The following GYS2 variants were observed in gnomAD, a reference collection of about 807,000 sequenced individuals.
GYS2 encodes the protein glycogen synthase 2.
In GYS2, 80 loss-of-function variants were observed where a neutral mutation model predicts 85.6. The observed-to-expected ratio is 0.93, with a 90% confidence interval of 0.78 to 1.13. The LOEUF (loss-of-function observed/expected upper bound fraction) is 1.13. GYS2 is among the 50% of genes most tolerant of loss of function. GYS2 has a pLI of 0.00. For synonymous variants in GYS2, 328 were observed against 300.7 expected, an observed-to-expected ratio of 1.09 and a Z score of -0.94; for missense variants, 881 against 854.9, an observed-to-expected ratio of 1.03 and a Z score of -0.38.
chr12:21,595,911 T>A (rs1315788889), intron 1 of GYS2, among the ~76,000 whole-genome samples: 1 of 152,022 alleles, frequency 6.6e-6, no homozygotes, highest in Non-Finnish European at 1.5e-5. Context: ...AACAAAAAAA[T>A]AATGGATTTA....
intron 1 of GYS2, among the ~76,000 whole-genome samples, chr12:21,584,225 A>C (rs559317434): frequency 1.3e-5 from 2 of 152,328 alleles, no homozygotes; most frequent in South Asian, 4.1e-4. Flanking sequence ...ATACTTATTC[A>C]TGGGCTGTAG....
intron 1 of GYS2, among the ~76,000 whole-genome samples, chr12:21,594,426 A>G (rs1432852720): frequency 1.3e-5 from 2 of 152,210 alleles, no homozygotes; most frequent in Admixed American, 1.3e-4. Flanking sequence ...AAATCAGCAT[A>G]TGAAACAAGC....
downstream of GYS2, chr12:21,534,902 T>C (rs1943896967): frequency 6.6e-6 from 1 of 152,236 alleles, no homozygotes; most frequent in African/African-American, 2.4e-5. Context: ...ACCATTTATC[T>C]ATGCAACTAT....
Position 21,546,265 on chromosome 12 carries a change from T to C in GYS2, c.1549+79A>G, listed in dbSNP as rs3765090. 899 of 1,051,506 alleles carry C rather than the reference T, an allele frequency of 8.5e-4. 16 individuals carry two copies. The East Asian group carries it at 0.025, about 29-fold the overall frequency. The allele number at this position is 1,051,506 out of a possible 1,614,324, so 65.1% of individuals were successfully genotyped here. On this transcript the variant is annotated intron_variant, in intron 12 of 15. Coordinates refer to ENST00000261195, the MANE Select transcript of GYS2 (RefSeq NM_021957.4). Reference sequence around the variant, plus strand: ...ATCTTATTAGAAATTTAATATCAACTTTGAATATTATATATATGCACATAA... The same window carrying C: ...ATCTTATTAGAAATTTAATATCAACCTTGAATATTATATATATGCACATAA...
chr12:21,579,097 A>G (rs756184051), intron 2 of GYS2, among the ~76,000 whole-genome samples: 3 of 152,158 alleles, frequency 2.0e-5, no homozygotes, highest in Non-Finnish European at 4.4e-5. Flanking sequence ...AATATTACCA[A>G]ACCCAACAGA....
At chr12:21,546,219 T>G in intron 12 of GYS2, 125 bp downstream of exon 12, 1 of 701,770 alleles carries the variant, frequency 1.4e-6, no homozygotes, top group East Asian at 3.0e-5. Flanking sequence ...AACCAAAATT[T>G]TTTAAAACTG....
At position 21,537,516 on chromosome 12, in the gene GYS2, A is replaced by G. The variant is rs900071432; in HGVS notation, c.1891-341T>C. 3 of 316,618 alleles carry G rather than the reference A, an allele frequency of 9.5e-6. No individual in the cohort carries two copies. In the East Asian group the frequency reaches 2.5e-4, roughly 26 times the overall value. 19.6% of individuals were successfully genotyped at this position (316,618 alleles called of 1,614,324 possible). Reference sequence around the variant, plus strand: ...TAACTTGCCCAACATCACTCAGCACATAAATGGTAGAGCAAAGATTTGTAC... The same window carrying G: ...TAACTTGCCCAACATCACTCAGCACGTAAATGGTAGAGCAAAGATTTGTAC... On this transcript the variant is annotated intron_variant, in intron 15 of 15. Transcript: ENST00000261195.
rs1944610246 is a variant in GYS2, at chr12:21,589,451, G to A, written c.122-8928C>T. 2.6e-5 allele frequency among the ~76,000 whole-genome samples: 4 copies of A among 152,172 alleles called. No homozygotes were observed. In the South Asian group the frequency reaches 8.3e-4, roughly 32 times the overall value. ...AAGCTTAAAAAATTTCAAGGGAAGGGGCTTGAAGATTACTGACTAAGGGCA... is the reference window on the plus strand; with the variant it reads ...AAGCTTAAAAAATTTCAAGGGAAGGAGCTTGAAGATTACTGACTAAGGGCA... On this transcript the variant is annotated intron_variant, in intron 1 of 15. Transcript: ENST00000261195.
intron 1 of GYS2, among the ~76,000 whole-genome samples, chr12:21,596,256 G>C (rs909263643): frequency 5.9e-5 from 9 of 152,024 alleles, no homozygotes; most frequent in Admixed American, 2.0e-4. Flanking sequence ...TTCATTCTAT[G>C]AAGCCAGCAT....
chr12:21,562,340 G>A (rs4762709), intron 7 of GYS2, among the ~76,000 whole-genome samples: 110,048 of 151,840 alleles, frequency 0.72, 40,167 homozygotes, highest in South Asian at 0.79. Context: ...TAGAGAGTTC[G>A]TGCTGTCGGG....
At chr12:21,560,581 T>C (rs986197312) in intron 7 of GYS2, 89 bp from the exon 8 acceptor site, 14 of 767,824 alleles carry the variant, frequency 1.8e-5, no homozygotes, top group Non-Finnish European at 3.1e-5. Context: ...AAGTAGAGTT[T>C]TAAAATATCA....
In GYS2 at chr12:21,563,211, A is replaced by T; in HGVS notation, c.941+17T>A. The T allele has an allele frequency of 1.4e-6, 2 of 1,424,754 alleles. No individual in the cohort carries two copies. The highest frequency in any genetic ancestry group is 2.0e-6 in the Non-Finnish European group (2 of 1,007,484). 88.3% of individuals were successfully genotyped at this position (1,424,754 alleles called of 1,614,324 possible). A position where few individuals can be genotyped will look rare whatever the true frequency, so the allele number is the denominator to read the frequency against. On this transcript the variant is annotated intron_variant, in intron 6 of 15. Transcript: ENST00000261195. ...ATATCTGATACTTCTTTTTCTTTTT[A>T]ATAAAGAAAATCATACCCATAGAAA... is the stretch of plus-strand genomic sequence containing the variant.
chr12:21,578,672 C>T (rs1247656815), intron 2 of GYS2, among the ~76,000 whole-genome samples: 1 of 152,076 alleles, frequency 6.6e-6, no homozygotes, highest in Non-Finnish European at 1.5e-5. Flanking sequence ...GTCCTGAATT[C>T]TTCATTAACT....
At chr12:21,574,666 A>C (rs1160492539) in intron 3 of GYS2, among the ~76,000 whole-genome samples, 1 of 152,164 alleles carries the variant, frequency 6.6e-6, no homozygotes, top group Admixed American at 6.5e-5. Flanking sequence ...TTAAGAATAA[A>C]TAAATTCTTA....
chr12:21,580,806 G>C (rs1032508534), intron 1 of GYS2, among the ~76,000 whole-genome samples: 1 of 152,206 alleles, frequency 6.6e-6, no homozygotes. Flanking sequence ...CAAAAAGAAA[G>C]AGTCTGAAAA....
intron 1 of GYS2, among the ~76,000 whole-genome samples, chr12:21,594,625 T>C (rs1944675755): frequency 6.6e-6 from 1 of 152,192 alleles, no homozygotes; most frequent in Non-Finnish European, 1.5e-5. Flanking sequence ...AGATATCCTA[T>C]GTTCATGGAT....
downstream of GYS2, chr12:21,532,810 C>T (rs1392465573): frequency 3.9e-5 from 6 of 152,308 alleles, no homozygotes; most frequent in Middle Eastern, 6.8e-3. Flanking sequence ...TCAAAAATGT[C>T]ATACTAACCA....
intron 1 of GYS2, among the ~76,000 whole-genome samples, chr12:21,602,109 C>T (rs1338250300): frequency 6.6e-6 from 1 of 152,054 alleles, no homozygotes; most frequent in South Asian, 2.1e-4. Context: ...GAGAGTATAA[C>T]ATTCATTTTA....
intron 10 of GYS2, among the ~76,000 whole-genome samples, chr12:21,558,825 A>G (rs1012404542): frequency 8.5e-5 from 13 of 152,192 alleles, no homozygotes; most frequent in African/African-American, 3.1e-4. Context: ...TTACTAAACT[A>G]TACATAATTT....
Sources: allele counts gnomAD v4.1 joint callset (sites outside exome capture counted in the v4.1 genomes callset), GRCh38; gene constraint gnomAD v4.1.1; transcripts MANE v1.5; gene names NCBI Gene and HGNC (gene_info 2026-07-23, HGNC 2026-07-21).